Variants in ANKRD12 observed in about 807,000 individuals in gnomAD.
The protein encoded by ANKRD12 is ankyrin repeat domain 12, also known as ankyrin repeat domain-containing protein 12.
ANKRD12 carries 85 observed loss-of-function variants against 183.4 expected under a neutral mutation model. That is an observed-to-expected ratio of 0.46 (90% confidence interval 0.39 to 0.56). The LOEUF is 0.56. Ranked by LOEUF, ANKRD12 falls within the 20% of genes least tolerant of loss-of-function variation. The pLI is 0.00. For missense variants in ANKRD12, 2,405 were observed against 2,357.1 expected, an observed-to-expected ratio of 1.02 and a Z score of -0.42; for synonymous variants, 914 against 800.2, an observed-to-expected ratio of 1.14 and a Z score of -2.40.
rs1436299749 is a variant in ANKRD12 at position 9,275,583 on chromosome 18, A to G, written c.5823A>G (p.Arg1941=). The change falls in exon 11 of 13, where the codon AGA becomes AGG. Residue 1941 remains arginine, a synonymous_variant. Transcript: ENST00000262126. ...TGCGAGTTCATTACAGAGCTGCAAG[A>G]ACATTGGCAAATCAAACACTGCCAT... The part of the protein sequence containing the change: ...EVLRVHYRAA[R]TLANQTLPFS... The G allele has an allele frequency of 6.2e-7, 1 of 1,611,944 alleles. No homozygotes were observed. The highest frequency in any genetic ancestry group is 8.5e-7 in the Non-Finnish European group (1 of 1,178,364).
At chr18:9,150,732 C>G (rs2078658113) in intron 1 of ANKRD12, among the ~76,000 whole-genome samples, 2 of 152,110 alleles carry the variant, frequency 1.3e-5, no homozygotes, top group African/African-American at 4.8e-5. Flanking sequence ...CGGCTCACTG[C>G]AAGGTCCGCC....
intron 10 of ANKRD12, among the ~76,000 whole-genome samples, chr18:9,268,769 CA>C (rs1331375389): frequency 6.6e-6 from 1 of 152,082 alleles, no homozygotes; most frequent in Non-Finnish European, 1.5e-5. Context: ...AAGTTGTGGC[CA>C]GGGCAATCAG....
At chr18:9,222,825 A>G (rs2036496993) in intron 8 of ANKRD12, among the ~76,000 whole-genome samples, 1 of 152,196 alleles carries the variant, frequency 6.6e-6, no homozygotes, top group Non-Finnish European at 1.5e-5. Flanking sequence ...AAGGCAATTG[A>G]AAGAACACAC....
chr18:9,140,179 A>C (rs969520938), intron 1 of ANKRD12, among the ~76,000 whole-genome samples: 4 of 152,236 alleles, frequency 2.6e-5, no homozygotes, highest in African/African-American at 9.6e-5. Flanking sequence ...TAATGTTTTC[A>C]TGTGGAACAA....
Position 9,258,793 on chromosome 18 carries a change from A to G in ANKRD12, c.5526A>G (p.Ile1842Met). 1 of 1,613,930 alleles carries G rather than the reference A, an allele frequency of 6.2e-7. No individual in the cohort carries two copies. Among genetic ancestry groups the G allele is most frequent in the Non-Finnish European group, 8.5e-7 (1 of 1,179,866 alleles). Residue 1842 changes from isoleucine to methionine, a missense_variant, in exon 9 of 13, where the codon ATA becomes ATG. Physicochemically the swap from Ile to Met is conservative, Grantham distance 10. Around this residue, in one of 7 missense-constraint regions of ANKRD12, gnomAD observed 162 missense variants for 272.2 expected, o/e 0.60. Transcript: ENST00000262126. Reference sequence around the variant, plus strand: ...ATCCATATTTTGAATACTTGCACATAAGGAAAAAAATAGAAGAAAAACGCA... The same window carrying G: ...ATCCATATTTTGAATACTTGCACATGAGGAAAAAAATAGAAGAAAAACGCA... ...RANPYFEYLH[I>M]RKKIEEKRKL...
At chr18:9,170,808 G>C (rs1415287748) in intron 1 of ANKRD12, among the ~76,000 whole-genome samples, 1 of 152,068 alleles carries the variant, frequency 6.6e-6, no homozygotes, top group African/African-American at 2.4e-5. Flanking sequence ...CAGTTTTTCT[G>C]CTCTGTTTTT....
intron 8 of ANKRD12, among the ~76,000 whole-genome samples, chr18:9,244,353 C>CT (rs2037831134): frequency 6.6e-6 from 1 of 151,974 alleles, no homozygotes. Context: ...AACATGGAGA[C>CT]TTAACTCTTT....
chr18:9,209,517 G>A (rs1308040410), intron 5 of ANKRD12, among the ~76,000 whole-genome samples: 4 of 152,046 alleles, frequency 2.6e-5, no homozygotes, highest in African/African-American at 9.7e-5. Context: ...TTCCTGTATT[G>A]CCTCTTTTTA....
rs1219534335 is a variant in ANKRD12 at position 9,258,743 on chromosome 18, C to G, written c.5476C>G (p.Gln1826Glu). The change falls in exon 9 of 13, where the codon CAG becomes GAG. Residue 1826 changes from glutamine (Q) to glutamate (E), a missense_variant. Gln to Glu is a conservative substitution (Grantham distance 29). Coordinates refer to ENST00000262126, the MANE Select transcript of ANKRD12 (RefSeq NM_015208.5). ...IVDSLKLDEI[Q>E]PYSSERANPY... ...AGATTCTCTAAAACTAGATGAGATT[C>G]AGCCATACAGTTCAGAGAGAGCAAA... 9 of 1,613,824 alleles carry G rather than the reference C, an allele frequency of 5.6e-6. No homozygotes were observed. In the South Asian group the frequency reaches 9.9e-5, roughly 18 times the overall value.
In ANKRD12 at chr18:9,231,733, G is replaced by A. The variant is rs536972653; in HGVS notation, c.943+9734G>A. Among the ~76,000 whole-genome samples the A allele has an allele frequency of 4.0e-5, 6 of 150,004 alleles. No homozygotes were observed. The East Asian group carries it at 1.2e-3, about 30-fold the overall frequency. On this transcript the variant is annotated intron_variant, in intron 8 of 12. Transcript: ENST00000262126. ...CCAGCTACTCGGGAGGCTGAGGCAG[G>A]AGGATAGCATGAACCTGGGAGGCGG...
chr18:9,174,315 G>T (rs1378343890), intron 1 of ANKRD12, among the ~76,000 whole-genome samples: 2 of 152,238 alleles, frequency 1.3e-5, no homozygotes, highest in Admixed American at 6.5e-5. Flanking sequence ...GAATGACACT[G>T]CTTGGTTCCC....
chr18:9,219,601 C>G (rs1409880492), intron 7 of ANKRD12, among the ~76,000 whole-genome samples: 2 of 152,042 alleles, frequency 1.3e-5, no homozygotes, highest in African/African-American at 2.4e-5. Context: ...TGCCTCCTCC[C>G]TCTCCTCTTC....
chr18:9,169,007 A>G (rs1035906432), intron 1 of ANKRD12, among the ~76,000 whole-genome samples: 1 of 152,056 alleles, frequency 6.6e-6, no homozygotes, highest in Non-Finnish European at 1.5e-5. Flanking sequence ...CAGGTTGTTC[A>G]GTTTCCATGT....
chr18:9,203,064 A>G (rs1284399320), intron 3 of ANKRD12, among the ~76,000 whole-genome samples: 1 of 152,216 alleles, frequency 6.6e-6, no homozygotes, highest in Non-Finnish European at 1.5e-5. Context: ...TTGCTTTGCA[A>G]TCTATGGTGG....
At chr18:9,272,771 A>G (rs780571662) in intron 10 of ANKRD12, among the ~76,000 whole-genome samples, 2 of 152,162 alleles carry the variant, frequency 1.3e-5, no homozygotes, top group Non-Finnish European at 2.9e-5. Context: ...TGTTAGGCCT[A>G]CCTCTTTGAA....
intron 12 of ANKRD12, 79 bp from the exon 13 acceptor site, chr18:9,280,862 A>G: frequency 7.2e-7 from 1 of 1,383,922 alleles, no homozygotes; most frequent in Non-Finnish European, 1.0e-6. Context: ...TTAGTTCCTA[A>G]AGAAACTGGA....
chr18:9,215,464 T>G (rs2036044728), intron 6 of ANKRD12, among the ~76,000 whole-genome samples: 1 of 152,066 alleles, frequency 6.6e-6, no homozygotes, highest in African/African-American at 2.4e-5. Context: ...TCTTTTAGTG[T>G]CCTCTGGCCT....
intron 1 of ANKRD12, among the ~76,000 whole-genome samples, chr18:9,173,805 C>T (rs1220638498): frequency 1.3e-5 from 2 of 152,144 alleles, no homozygotes; most frequent in African/African-American, 4.8e-5. Context: ...CGTTCCTTGC[C>T]CAGACTGCCT....
At chr18:9,153,969 T>C (rs191680923) in intron 1 of ANKRD12, among the ~76,000 whole-genome samples, 3 of 152,318 alleles carry the variant, frequency 2.0e-5, no homozygotes, top group Admixed American at 1.3e-4. Flanking sequence ...CTGCATGTTA[T>C]CAGTCTTCTA....
Sources: gnomAD v4.1 joint callset for allele counts (sites outside exome capture counted in the v4.1 genomes callset) on GRCh38, gnomAD v4.1.1 for gene constraint, gnomAD v4.1.1 regional missense constraint, MANE v1.5 for transcripts, NCBI Gene and HGNC (gene_info 2026-07-23, HGNC 2026-07-21) for gene names.